The following ZNF423 variants were observed in gnomAD, a reference collection of about 807,000 sequenced individuals.
ZNF423 encodes the protein Ebf-associated zinc finger protein.
A neutral mutation model predicts 95.8 loss-of-function variants in ZNF423; 12 were observed. That is an observed-to-expected ratio of 0.13 (90% confidence interval 0.08 to 0.20). The LOEUF (loss-of-function observed/expected upper bound fraction) is 0.20. ZNF423 is among the 10% of genes least tolerant of loss of function. The probability of loss-of-function intolerance (pLI) is 1.00; values close to 1 mark genes in which losing one functional copy is unlikely to be tolerated. For missense variants in ZNF423, 1,316 were observed against 1,737.1 expected, an observed-to-expected ratio of 0.76 and a Z score of 4.31; for synonymous variants, 749 against 711.9, an observed-to-expected ratio of 1.05 and a Z score of -0.83.
intron 3 of ZNF423, among the ~76,000 whole-genome samples, chr16:49,663,487 G>C (rs887146824): frequency 6.6e-6 from 1 of 152,018 alleles, no homozygotes; most frequent in Admixed American, 6.5e-5. Context: ...TTGGCATGCC[G>C]CCCCTGTGAC....
At position 49,607,223 on chromosome 16, in the gene ZNF423, T is replaced by C. The variant is rs115695846; in HGVS notation, c.3601+18947A>G. Among the ~76,000 whole-genome samples, 91 of 152,214 alleles carry C rather than the reference T, an allele frequency of 6.0e-4. No homozygotes were observed. In the Middle Eastern group the frequency reaches 0.01, roughly 17 times the overall value. ...CATGAAAACCCCACTCAGGATAGCA[T>C]TTTTTGTGGTCCTTGCATAGTGAAA... On this transcript the variant is annotated intron_variant, in intron 5 of 7. Transcript: ENST00000563137.
intron 3 of ZNF423, among the ~76,000 whole-genome samples, chr16:49,677,312 G>GAAGAGAA (rs1567284159): frequency 5.1e-5 from 1 of 19,644 alleles, no homozygotes; most frequent in Non-Finnish European, 1.1e-4. Flanking sequence ...AGAAGAGAAA[G>GAAGAGAA]GAGGGGAAGG....
intron 5 of ZNF423, among the ~76,000 whole-genome samples, chr16:49,556,751 T>C (rs1969840753): frequency 6.6e-6 from 1 of 152,238 alleles, no homozygotes; most frequent in Non-Finnish European, 1.5e-5. Flanking sequence ...TATAGAACAC[T>C]GTATAACTCA....
At chr16:49,849,677 A>G (rs2035281442) in intron 1 of ZNF423, among the ~76,000 whole-genome samples, 1 of 152,140 alleles carries the variant, frequency 6.6e-6, no homozygotes, top group Non-Finnish European at 1.5e-5. Context: ...AGGGGAGGTA[A>G]ACAGAGGGAG....
intron 3 of ZNF423, among the ~76,000 whole-genome samples, chr16:49,728,828 G>A (rs1398479435): frequency 6.6e-6 from 1 of 152,148 alleles, no homozygotes; most frequent in Non-Finnish European, 1.5e-5. Flanking sequence ...CATCTCCCGG[G>A]TTCAAGCGAT....
At chr16:49,741,083 C>T (rs1317549974) in intron 2 of ZNF423, among the ~76,000 whole-genome samples, 1 of 152,174 alleles carries the variant, frequency 6.6e-6, no homozygotes, top group Non-Finnish European at 1.5e-5. Flanking sequence ...CACCACCACA[C>T]AAATTACAGA....
chr16:49,827,569 G>A (rs1400126329), intron 1 of ZNF423, among the ~76,000 whole-genome samples: 1 of 151,974 alleles, frequency 6.6e-6, no homozygotes, highest in African/African-American at 2.4e-5. Context: ...AGGCTGGAGT[G>A]TAGCGGCTCA....
chr16:49,638,303 G>A lies in ZNF423; in HGVS notation c.873C>T (p.Leu291=), dbSNP rs574397693. ...TCTCGGACAGCTGCGGGTGGCGGGT[G>A]AGCACGTGCTTCTCCAGCTCCTCCG... ...SQTEELEKHV[L]TRHPQLSEKA... is the part of the protein sequence containing the mutation. Residue 291 remains leucine (L), a synonymous_variant, in exon 4 of 8, where the codon CTC becomes CTT. Transcript: ENST00000563137. This position sits in a 1 kb window ranked among gnomAD's most constrained non-coding sequence, Gnocchi z 5.6. The A allele has an allele frequency of 4.3e-6, 7 of 1,613,908 alleles. No individual in the cohort carries two copies. Among genetic ancestry groups the A allele is most frequent in the South Asian group, 1.1e-5 (1 of 91,086 alleles).
chr16:49,842,315 A>G (rs1597056820), intron 1 of ZNF423, among the ~76,000 whole-genome samples: 3 of 30,720 alleles, frequency 9.8e-5, no homozygotes, highest in African/African-American at 2.3e-4. Context: ...AGGCGAGGGA[A>G]GGGAAGGGAA....
chr16:49,567,646 C>A (rs1270233327), intron 5 of ZNF423, among the ~76,000 whole-genome samples: 1 of 152,182 alleles, frequency 6.6e-6, no homozygotes. Context: ...AAGAGCCCAG[C>A]CCCAGTAGGG....
intron 3 of ZNF423, among the ~76,000 whole-genome samples, chr16:49,716,304 C>T (rs2032704497): frequency 6.6e-6 from 1 of 152,094 alleles, no homozygotes; most frequent in Admixed American, 6.5e-5. Flanking sequence ...CTCATCACCC[C>T]CATCATGAGG....
chr16:49,738,377 T>C (rs966790891), intron 2 of ZNF423, among the ~76,000 whole-genome samples: 6 of 152,148 alleles, frequency 3.9e-5, no homozygotes, highest in African/African-American at 1.2e-4. Context: ...ATTCCGGTCT[T>C]AGCTCCAGTA....
intron 5 of ZNF423, among the ~76,000 whole-genome samples, chr16:49,546,934 TC>T (rs1969462670): frequency 6.6e-6 from 1 of 151,444 alleles, no homozygotes; most frequent in Non-Finnish European, 1.5e-5. Context: ...CTTAGGATAG[TC>T]ACCTAACTCC....
At chr16:49,529,794 CG>C (rs1280379071) in intron 5 of ZNF423, among the ~76,000 whole-genome samples, 1 of 152,076 alleles carries the variant, frequency 6.6e-6, no homozygotes, top group Admixed American at 6.6e-5. Context: ...GGAGGAGCGG[CG>C]GGCTGCAGCG....
At chr16:49,632,315 C>G (rs74412965) in intron 4 of ZNF423, among the ~76,000 whole-genome samples, 2 of 152,296 alleles carry the variant, frequency 1.3e-5, no homozygotes, top group East Asian at 1.9e-4. Flanking sequence ...AGCCCCCAAG[C>G]CCCTGTGAAA....
intron 5 of ZNF423, among the ~76,000 whole-genome samples, chr16:49,527,878 C>G (rs1402703112): frequency 6.6e-6 from 1 of 152,150 alleles, no homozygotes; most frequent in Non-Finnish European, 1.5e-5. Flanking sequence ...TACATGACCT[C>G]CAGGCAGCCT....
intron 3 of ZNF423, among the ~76,000 whole-genome samples, chr16:49,660,490 A>G (rs1045310273): frequency 1.3e-5 from 2 of 152,200 alleles, no homozygotes; most frequent in African/African-American, 4.8e-5. Context: ...GGAGTTGGGG[A>G]CAGAGCCTCC....
chr16:49,737,889 G>A (rs8046825), intron 2 of ZNF423, among the ~76,000 whole-genome samples: 57 of 151,952 alleles, frequency 3.8e-4, no homozygotes, highest in Non-Finnish European at 7.1e-4. Flanking sequence ...CTCGTGTCCC[G>A]GGAGTCAGCT....
chr16:49,623,129 G>C (rs1972141602), intron 5 of ZNF423, among the ~76,000 whole-genome samples: 1 of 152,130 alleles, frequency 6.6e-6, no homozygotes, highest in Non-Finnish European at 1.5e-5. Flanking sequence ...CCATGCCGCA[G>C]TGAACTGGAA....
Sources: allele counts gnomAD v4.1 joint callset (sites outside exome capture counted in the v4.1 genomes callset), GRCh38; gene constraint gnomAD v4.1.1; non-coding constraint Gnocchi (gnomAD v3.1); transcripts MANE v1.5; gene names NCBI Gene and HGNC (gene_info 2026-07-23, HGNC 2026-07-21).